The following FAT4 variants were observed in gnomAD, a reference collection of about 807,000 sequenced individuals.
The protein encoded by FAT4 is FAT atypical cadherin 4.
Under a neutral mutation model 303.9 loss-of-function variants are expected in FAT4, and 84 were observed. The ratio of observed to expected loss-of-function variants is 0.28; its 90% CI spans 0.23 to 0.33. The LOEUF is 0.33. FAT4 is among the 10% of genes least tolerant of loss of function. The probability of loss-of-function intolerance (pLI) is 1.00; values close to 1 mark genes in which losing one functional copy is unlikely to be tolerated. For missense variants in FAT4, 6,005 were observed against 6,146.8 expected (o/e 0.98, Z 0.77); for synonymous variants, 2,307 against 2,298.8 (o/e 1.00, Z -0.10).
chr4:125,486,353 G>A (rs1014463565), intron 16 of FAT4, among the ~76,000 whole-genome samples: 1 of 151,824 alleles, frequency 6.6e-6, no homozygotes, highest in Non-Finnish European at 1.5e-5. Flanking sequence ...ATATGTAAAT[G>A]TGTTAGACAT....
In FAT4 at chr4:125,321,540, A is replaced by G. The variant is rs1335760643; in HGVS notation, c.5129A>G (p.Tyr1710Cys). ...GCATGTCTTTACCTGGTGGATGTTT[A>G]TGCCATAGAAAAATCAACTGCTTTT... ...QGACLYLVDV[Y>C]AIEKSTAFPR... is the part of the protein sequence containing the mutation. The change falls in exon 2 of 18, where the codon TAT becomes TGT. Residue 1710 changes from tyrosine to cysteine, a missense_variant. Tyr to Cys is a radical substitution (Grantham distance 194). Transcript: ENST00000394329. 2 of 1,612,824 alleles carry G rather than the reference A, an allele frequency of 1.2e-6. No homozygotes were observed. Among genetic ancestry groups the G allele is most frequent in the Non-Finnish European group, 1.7e-6 (2 of 1,179,424 alleles).
intron 12 of FAT4, among the ~76,000 whole-genome samples, chr4:125,470,411 G>T (rs1234981864): frequency 6.6e-6 from 1 of 152,134 alleles, no homozygotes; most frequent in African/African-American, 2.4e-5. Flanking sequence ...CTTTTCTCTA[G>T]CTATGAAAAT....
At position 125,320,555 on chromosome 4, in the gene FAT4, A is replaced by G. The variant is rs1215877371; in HGVS notation, c.4144A>G (p.Thr1382Ala). ...IFLAKKLDFE[T>A]QSLYKLNITA... is the part of the protein sequence containing the mutation. ...TCTTGCCAAAAAACTGGACTTTGAAACACAGTCTTTGTATAAATTAAATAT... is the reference window on the plus strand; with the variant it reads ...TCTTGCCAAAAAACTGGACTTTGAAGCACAGTCTTTGTATAAATTAAATAT... The change falls in exon 2 of 18, where the codon ACA becomes GCA. Residue 1382 changes from threonine to alanine, a missense_variant. Transcript: ENST00000394329. The G allele has an allele frequency of 5.6e-6, 9 of 1,614,002 alleles. No individual in the cohort carries two copies. Among genetic ancestry groups the G allele is most frequent in the Non-Finnish European group, 7.6e-6 (9 of 1,179,896 alleles).
At chr4:125,327,547 A>C (rs1445458971) in intron 2 of FAT4, among the ~76,000 whole-genome samples, 1 of 152,146 alleles carries the variant, frequency 6.6e-6, no homozygotes, top group Non-Finnish European at 1.5e-5. Context: ...TGTGAATTAA[A>C]GGGCTTTATA....
chr4:125,348,223 A>T (rs190406218), intron 2 of FAT4, among the ~76,000 whole-genome samples: 2 of 152,034 alleles, frequency 1.3e-5, no homozygotes, highest in East Asian at 3.9e-4. Flanking sequence ...TTTCTATACG[A>T]AGCATATTTA....
intron 8 of FAT4, among the ~76,000 whole-genome samples, chr4:125,436,757 T>C (rs1448846231): frequency 6.6e-6 from 1 of 152,138 alleles, no homozygotes; most frequent in Non-Finnish European, 1.5e-5. Flanking sequence ...GTGAGACTTA[T>C]TCACTACCAC....
At chr4:125,467,081 T>C (rs902472161) in intron 11 of FAT4, among the ~76,000 whole-genome samples, 2 of 151,552 alleles carry the variant, frequency 1.3e-5, no homozygotes, top group African/African-American at 2.4e-5. Flanking sequence ...CTGGCCAAAA[T>C]GATGTTTAAT....
At chr4:125,408,273 G>A (rs1734699334) in intron 4 of FAT4, among the ~76,000 whole-genome samples, 171 bp from the exon 5 acceptor site, 1 of 152,042 alleles carries the variant, frequency 6.6e-6, no homozygotes, top group African/African-American at 2.4e-5. Context: ...ATTCAAATAG[G>A]GAAATGGTAA....
intron 3 of FAT4, among the ~76,000 whole-genome samples, chr4:125,399,534 C>T (rs1023536824): frequency 1.3e-5 from 2 of 151,888 alleles, no homozygotes; most frequent in African/African-American, 4.8e-5. Context: ...TTACCTCTTT[C>T]CCCTTAAGCC....
At chr4:125,345,592 C>T (rs1162930072) in intron 2 of FAT4, among the ~76,000 whole-genome samples, 1 of 151,894 alleles carries the variant, frequency 6.6e-6, no homozygotes, top group East Asian at 1.9e-4. Flanking sequence ...TAAGGATTTT[C>T]ATCTTTCAAA....
rs1227132089 is a variant in FAT4 at position 125,492,212 on chromosome 4, C to A, written c.*444C>A. 6.3e-6 allele frequency: 1 copy of A among 158,846 alleles called. No individual in the cohort carries two copies. The highest frequency in any genetic ancestry group is 6.0e-5 in the Admixed American group (1 of 16,716). 9.8% of individuals were successfully genotyped at this position (158,846 alleles called of 1,614,324 possible). A position where few individuals can be genotyped will look rare whatever the true frequency, so the allele number is the denominator to read the frequency against. ...CTTGTAAAGTGTAAAAAGGAACCCTCCTATCGTGGAATGAAAGATTAAGTA... is the reference window on the plus strand; with the variant it reads ...CTTGTAAAGTGTAAAAAGGAACCCTACTATCGTGGAATGAAAGATTAAGTA... On this transcript the variant is annotated 3_prime_UTR_variant, in exon 18 of 18. Coordinates refer to ENST00000394329, the MANE Select transcript of FAT4 (RefSeq NM_001291303.3).
At chr4:125,403,259 A>G (rs1394248878) in intron 3 of FAT4, among the ~76,000 whole-genome samples, 4 of 152,124 alleles carry the variant, frequency 2.6e-5, no homozygotes, top group Non-Finnish European at 5.9e-5. Flanking sequence ...ATGAGGAAAC[A>G]TGGGCTTGGA....
At chr4:125,488,961 G>A (rs995012165) in intron 17 of FAT4, among the ~76,000 whole-genome samples, 1 of 151,904 alleles carries the variant, frequency 6.6e-6, no homozygotes, top group African/African-American at 2.4e-5. Context: ...CAGGAGTATA[G>A]GAACAAAAAG....
At chr4:125,442,670 A>T (rs1725698938) in intron 8 of FAT4, among the ~76,000 whole-genome samples, 1 of 152,134 alleles carries the variant, frequency 6.6e-6, no homozygotes, top group African/African-American at 2.4e-5. Context: ...TTGTGTTCAG[A>T]CTTGAGACCC....
rs2126083803 is a variant in FAT4, at chr4:125,477,257, G to A, written c.12402G>A (p.Gly4134=). The change falls in exon 14 of 18, where the codon GGG becomes GGA. Residue 4134 remains glycine (G), a synonymous_variant. Coordinates refer to ENST00000394329, the MANE Select transcript of FAT4 (RefSeq NM_001291303.3). ...RGHVESHDFV[G]CIMEFAVNGR... ...ACGTGGAAAGCCATGATTTTGTTGG[G>A]TGTATAATGGAGTTTGCAGTCAATG... is the stretch of plus-strand genomic sequence containing the variant. The A allele has an allele frequency of 6.4e-7, 1 of 1,571,902 alleles. No individual in the cohort carries two copies. The highest frequency in any genetic ancestry group is 1.2e-5 in the South Asian group (1 of 85,878).
At chr4:125,335,026 C>G (rs115595746) in intron 2 of FAT4, among the ~76,000 whole-genome samples, 4 of 151,980 alleles carry the variant, frequency 2.6e-5, no homozygotes, top group Non-Finnish European at 5.9e-5. Flanking sequence ...AATTCCAGAG[C>G]CTGGCAGATT....
chr4:125,321,718 G>A (rs530823863), intron 2 of FAT4, 132 bp downstream of exon 2: 35 of 937,358 alleles, frequency 3.7e-5, no homozygotes, highest in African/African-American at 6.7e-5. Context: ...ACCTAAAAAT[G>A]TTCTGTCAAA....
Position 125,477,180 on chromosome 4 carries a change from G to A in FAT4, c.12325G>A (p.Val4109Ile), listed in dbSNP as rs1727056524. The A allele has an allele frequency of 2.2e-6, 3 of 1,394,334 alleles. No homozygotes were observed. The East Asian group carries it at 8.1e-5, about 37-fold the overall frequency. 86.4% of individuals were successfully genotyped at this position (1,394,334 alleles called of 1,614,324 possible). ...GACTCTTGATGTTCAGCCAAATAGAGTTACAGTTGGAGGTATCAGATCTCT... is the reference window on the plus strand; with the variant it reads ...GACTCTTGATGTTCAGCCAAATAGAATTACAGTTGGAGGTATCAGATCTCT... The part of the protein sequence containing the change: ...DWTLDVQPNR[V>I]TVGGIRSLEP... The change falls in exon 14 of 18, where the codon GTT (valine) becomes ATT (isoleucine). Residue 4109 changes from valine (V) to isoleucine (I), a missense_variant. By Grantham distance (29) the Val-to-Ile change is conservative. Coordinates refer to ENST00000394329, the MANE Select transcript of FAT4 (RefSeq NM_001291303.3).
In FAT4 at chr4:125,451,946, T is replaced by G. The variant is rs1327122607; in HGVS notation, c.10936T>G (p.Leu3646Val). 6.2e-7 allele frequency: 1 copy of G among 1,614,150 alleles called. No individual in the cohort carries two copies. Among genetic ancestry groups the G allele is most frequent in the Admixed American group, 1.7e-5 (1 of 60,024 alleles). ...TGTGAAGCCACAGGATCCAGATGTG[T>G]TAGACAGCTTCCACTGCTCCCTTAC... is the stretch of plus-strand genomic sequence containing the variant. The part of the protein sequence containing the change: ...GSVKPQDPDV[L>V]DSFHCSLTSG... The change falls in exon 10 of 18, where the codon TTA (leucine) becomes GTA (valine). Residue 3646 changes from leucine (L) to valine (V), a missense_variant. Leu to Val is a conservative substitution (Grantham distance 32). Transcript: ENST00000394329.
Sources: allele counts gnomAD v4.1 joint callset (sites outside exome capture counted in the v4.1 genomes callset), GRCh38; gene constraint gnomAD v4.1.1; transcripts MANE v1.5; gene names NCBI Gene and HGNC (gene_info 2026-07-23, HGNC 2026-07-21).